SMCHD1: variants seen among roughly 807,000 people sequenced by gnomAD.
SMCHD1 encodes structural maintenance of chromosomes flexible hinge domain-containing protein 1.
Under a neutral mutation model 254.7 loss-of-function variants are expected in SMCHD1, and 78 were observed. That is an observed-to-expected ratio of 0.31 (90% CI 0.26 to 0.37). The LOEUF is 0.37. Ranked by LOEUF, SMCHD1 falls within the 10% of genes least tolerant of loss-of-function variation. The pLI is 1.00. For synonymous variants in SMCHD1, 766 were observed against 794.9 expected (o/e 0.96, Z 0.61); for missense variants, 1,840 against 2,408.1 (o/e 0.76, Z 4.94).
At chr18:2,763,367 A>G (rs550639686) in intron 36 of SMCHD1, among the ~76,000 whole-genome samples, 1 of 152,238 alleles carries the variant, frequency 6.6e-6, no homozygotes, top group African/African-American at 2.4e-5. Flanking sequence ...CTAAAAGTAC[A>G]TGAAAAGGTG....
intron 45 of SMCHD1, among the ~76,000 whole-genome samples, chr18:2,791,211 A>G (rs779467414): frequency 2.6e-5 from 4 of 152,210 alleles, no homozygotes; most frequent in Non-Finnish European, 5.9e-5. Context: ...AAATACAAAG[A>G]AAAATAAATA....
At chr18:2,765,631 T>C (rs191241160) in intron 37 of SMCHD1, among the ~76,000 whole-genome samples, 64 of 152,330 alleles carry the variant, frequency 4.2e-4, no homozygotes, top group Non-Finnish European at 7.9e-4. Flanking sequence ...CTGTCAACAC[T>C]GGGTGAGGAT....
At chr18:2,792,072 G>A (rs1185990814) in intron 45 of SMCHD1, among the ~76,000 whole-genome samples, 2 of 152,068 alleles carry the variant, frequency 1.3e-5, no homozygotes, top group Admixed American at 1.3e-4. Flanking sequence ...CCCGTTATTT[G>A]CTCCTTTAAA....
intron 44 of SMCHD1, among the ~76,000 whole-genome samples, chr18:2,780,616 C>T (rs1312281614): frequency 1.3e-5 from 2 of 152,160 alleles, no homozygotes; most frequent in Admixed American, 1.3e-4. Flanking sequence ...TGGATACTTA[C>T]TATGTATGAG....
At chr18:2,742,265 T>G (rs2075366070) in intron 28 of SMCHD1, among the ~76,000 whole-genome samples, 1 of 152,232 alleles carries the variant, frequency 6.6e-6, no homozygotes, top group African/African-American at 2.4e-5. Context: ...CTTCTGTCTT[T>G]CTGTAATTGA....
intron 29 of SMCHD1, among the ~76,000 whole-genome samples, chr18:2,746,603 T>G (rs1364478383): frequency 6.6e-6 from 1 of 152,190 alleles, no homozygotes; most frequent in African/African-American, 2.4e-5. Context: ...AATGTCTTAT[T>G]CATAGCAGAC....
chr18:2,744,796 A>G (rs1289928135), intron 29 of SMCHD1, among the ~76,000 whole-genome samples: 2 of 152,102 alleles, frequency 1.3e-5, no homozygotes, highest in East Asian at 3.8e-4. Flanking sequence ...ACATTTGCTT[A>G]TGGAATAGCA....
chr18:2,799,274 T>C (rs1443948569), intron 47 of SMCHD1, among the ~76,000 whole-genome samples: 4 of 152,160 alleles, frequency 2.6e-5, no homozygotes, highest in African/African-American at 9.7e-5. Flanking sequence ...TTTTTTTAAA[T>C]ACAAAGTCTT....
intron 30 of SMCHD1, among the ~76,000 whole-genome samples, chr18:2,747,849 G>T (rs1293308276): frequency 6.6e-6 from 1 of 152,052 alleles, no homozygotes; most frequent in Non-Finnish European, 1.5e-5. Context: ...ACAACAAGGG[G>T]CCAACATTGT....
chr18:2,699,975 T>C (rs550710516), intron 10 of SMCHD1, among the ~76,000 whole-genome samples: 1 of 152,328 alleles, frequency 6.6e-6, no homozygotes, highest in Non-Finnish European at 1.5e-5. Context: ...TTATAGACAA[T>C]TGTGCAAATT....
Position 2,703,182 on chromosome 18 carries a change from C to G in SMCHD1, c.1648-510C>G, listed in dbSNP as rs975180810. Among the ~76,000 whole-genome samples, 3 of 152,158 alleles carry G rather than the reference C, an allele frequency of 2.0e-5. No individual in the cohort carries two copies. The South Asian group carries it at 6.2e-4, about 31-fold the overall frequency. Reference sequence around the variant, plus strand: ...TTTCGTTATCACCCTCATAAGGAGTCTTTCTTGGCATCTTTTTCTCAATTG... The same window carrying G: ...TTTCGTTATCACCCTCATAAGGAGTGTTTCTTGGCATCTTTTTCTCAATTG... On this transcript the variant is annotated intron_variant, in intron 12 of 47. Coordinates refer to ENST00000320876, the MANE Select transcript of SMCHD1 (RefSeq NM_015295.3).
intron 30 of SMCHD1, among the ~76,000 whole-genome samples, chr18:2,748,364 GTGTGTGTGTGTGTGTGTGTA>G (rs1238138620): frequency 9.0e-5 from 3 of 33,460 alleles, no homozygotes; most frequent in African/African-American, 2.7e-4. Flanking sequence ...GTGTGTGTGT[GTGTGTGTGTGTGTGTGTGTA>G]TATAAATTTT....
intron 47 of SMCHD1, 130 bp from the exon 48 acceptor site, chr18:2,802,398 G>GTT (rs1323383883): frequency 2.9e-6 from 2 of 688,376 alleles, no homozygotes; most frequent in Non-Finnish European, 4.8e-6. Flanking sequence ...AATTAAATCT[G>GTT]TTTATACCAA....
chr18:2,790,688 G>A (rs2076305036), intron 45 of SMCHD1, among the ~76,000 whole-genome samples: 1 of 152,164 alleles, frequency 6.6e-6, no homozygotes, highest in Non-Finnish European at 1.5e-5. Flanking sequence ...TTGAACCCAG[G>A]AGGCAGAGGT....
chr18:2,731,540 T>G (rs1214932541), intron 24 of SMCHD1, among the ~76,000 whole-genome samples: 1 of 152,212 alleles, frequency 6.6e-6, no homozygotes, highest in African/African-American at 2.4e-5. Flanking sequence ...GAAAAAATAC[T>G]GAAAGCCTTA....
intron 33 of SMCHD1, 29 bp downstream of exon 33, chr18:2,751,422 T>G: frequency 8.0e-7 from 1 of 1,255,852 alleles, no homozygotes; most frequent in Non-Finnish European, 1.1e-6. Context: ...TTTTTGAAGT[T>G]AAAAATAGTT....
rs2074099199 is a variant in SMCHD1 at position 2,688,376 on chromosome 18, A to G, written c.639-18A>G. 4 of 1,548,656 alleles carry G rather than the reference A, an allele frequency of 2.6e-6. No individual in the cohort carries two copies. Among genetic ancestry groups the G allele is most frequent in the Non-Finnish European group, 3.6e-6 (4 of 1,120,910 alleles). ...TAACTAGCTTGTTTAAAATCACTGC[A>G]TTAATGTTTTATTTTAGTGATCATT... On this transcript the variant is annotated intron_variant, in intron 5 of 47. Transcript: ENST00000320876.
chr18:2,713,865 T>C (rs746474203), intron 17 of SMCHD1, among the ~76,000 whole-genome samples: 15 of 152,210 alleles, frequency 9.9e-5, no homozygotes, highest in Non-Finnish European at 1.6e-4. Flanking sequence ...TTTTCAAAAT[T>C]TGTTGAGATT....
intron 17 of SMCHD1, among the ~76,000 whole-genome samples, chr18:2,712,802 A>G (rs1270043229): frequency 6.6e-6 from 1 of 152,150 alleles, no homozygotes. Context: ...TGAATTGCAA[A>G]ACTGTGTATA....
Sources: gnomAD v4.1 joint callset for allele counts (sites outside exome capture counted in the v4.1 genomes callset) on GRCh38, gnomAD v4.1.1 for gene constraint, MANE v1.5 for transcripts, NCBI Gene and HGNC (gene_info 2026-07-23, HGNC 2026-07-21) for gene names.